Variants in UTP18 observed in about 807,000 individuals in gnomAD.
The protein encoded by UTP18 is U3 small nucleolar RNA-associated protein 18 homolog.
Under a neutral mutation model 61.1 loss-of-function variants are expected in UTP18, and 36 were observed. That is an observed-to-expected ratio of 0.59 (90% CI 0.45 to 0.78). UTP18 has a LOEUF of 0.78. Ranked by LOEUF, UTP18 falls within the 30% of genes least tolerant of loss-of-function variation. UTP18 has a pLI of 0.00. For synonymous variants in UTP18, 282 were observed against 251.1 expected, an observed-to-expected ratio of 1.12 and a Z score of -1.16; for missense variants, 753 against 693.9, an observed-to-expected ratio of 1.09 and a Z score of -0.96.
At chr17:51,264,424 A>G (rs919586063) in intron 2 of UTP18, among the ~76,000 whole-genome samples, 2 of 152,052 alleles carry the variant, frequency 1.3e-5, no homozygotes, top group African/African-American at 4.8e-5. Flanking sequence ...TTTATTTTCT[A>G]ATTTATTGCC....
chr17:51,295,111 A>T (rs1251777586), intron 12 of UTP18, among the ~76,000 whole-genome samples: 1 of 152,176 alleles, frequency 6.6e-6, no homozygotes, highest in African/African-American at 2.4e-5. Context: ...CCTTTGTCAG[A>T]TGAGTAGGTT....
chr17:51,277,034 G>A (rs1904746392), intron 6 of UTP18, 96 bp from the exon 7 acceptor site: 2 of 1,316,842 alleles, frequency 1.5e-6, no homozygotes, highest in Admixed American at 2.2e-5. Flanking sequence ...CCTTGGATAT[G>A]TATTTTTAAA....
At chr17:51,266,561 T>A (rs2055563448) in intron 3 of UTP18, among the ~76,000 whole-genome samples, 2 of 152,204 alleles carry the variant, frequency 1.3e-5, no homozygotes, top group African/African-American at 4.8e-5. Context: ...AATATGAACA[T>A]TTTCAAAAAT....
chr17:51,294,545 C>A (rs1041332775), intron 12 of UTP18, among the ~76,000 whole-genome samples: 9 of 152,020 alleles, frequency 5.9e-5, no homozygotes, highest in Non-Finnish European at 5.9e-5. Context: ...TTTTTTATGG[C>A]TGCATAGTAT....
chr17:51,275,883 T>A lies in UTP18; in HGVS notation c.729T>A (p.His243Gln). 6.2e-7 allele frequency: 1 copy of A among 1,605,608 alleles called. No individual in the cohort carries two copies. Among genetic ancestry groups the A allele is most frequent in the African/African-American group, 1.3e-5 (1 of 74,548 alleles). ...TCCTATAGATGAAGAACTGCCAGCATGCGAATGCTGAACGTCCTACTGTTG... is the reference window on the plus strand; with the variant it reads ...TCCTATAGATGAAGAACTGCCAGCAAGCGAATGCTGAACGTCCTACTGTTG... ...RGILKMKNCQ[H>Q]ANAERPTVAR... Residue 243 changes from histidine to glutamine, a missense_variant, in exon 6 of 14, where the codon CAT becomes CAA. By Grantham distance (24) the His-to-Gln change is conservative. Coordinates refer to ENST00000225298, the MANE Select transcript of UTP18 (RefSeq NM_016001.3).
rs116206373 is a variant in UTP18 at position 51,292,886 on chromosome 17, T to C, written c.1504-1017T>C. ...TCTCTCTAAATCAGAACAGTTTCAC[T>C]TGGAGTTAGATTTTCATGATTCAGC... On this transcript the variant is annotated intron_variant, in intron 11 of 13. Transcript: ENST00000225298. Among the ~76,000 whole-genome samples the C allele has an allele frequency of 2.6e-3, 403 of 152,334 alleles. 3 individuals carry two copies. Among genetic ancestry groups the C allele is most frequent in the African/African-American group, 9.4e-3 (389 of 41,570 alleles).
intron 10 of UTP18, among the ~76,000 whole-genome samples, chr17:51,286,985 C>G (rs1597852649): frequency 1.3e-5 from 2 of 148,572 alleles, no homozygotes; most frequent in South Asian, 2.2e-4. Flanking sequence ...CCTTCCCCCC[C>G]CGACCCACAG....
chr17:51,290,776 A>G (rs12948421), intron 11 of UTP18, among the ~76,000 whole-genome samples: 59,061 of 152,050 alleles, frequency 0.39, 13,047 homozygotes, highest in East Asian at 0.6. Context: ...GCCAAATCAC[A>G]GTTTTTAAAT....
intron 9 of UTP18, among the ~76,000 whole-genome samples, chr17:51,281,493 C>T (rs984808689): frequency 6.6e-6 from 1 of 152,086 alleles, no homozygotes; most frequent in Admixed American, 6.6e-5. Flanking sequence ...ACTTCCACTA[C>T]AGTTTCATTT....
At chr17:51,263,879 T>G (rs2055533067) in intron 2 of UTP18, among the ~76,000 whole-genome samples, 1 of 152,184 alleles carries the variant, frequency 6.6e-6, no homozygotes, top group African/African-American at 2.4e-5. Context: ...ATGCTTGATT[T>G]AACATTTTGA....
intron 9 of UTP18, among the ~76,000 whole-genome samples, chr17:51,283,468 CCTTTT>C (rs1286881750): frequency 3.9e-5 from 6 of 151,914 alleles, no homozygotes; most frequent in African/African-American, 1.2e-4. Context: ...GCGTGTGCAC[CCTTTT>C]CTTATTCTGT....
At chr17:51,269,839 T>G (rs62060089) in intron 4 of UTP18, among the ~76,000 whole-genome samples, 7,717 of 137,788 alleles carry the variant, frequency 0.056, 257 homozygotes, top group Non-Finnish European at 0.077. Context: ...AAATAATGTA[T>G]TGTGTGTGTG....
intron 4 of UTP18, 47 bp downstream of exon 4, chr17:51,268,951 C>T: frequency 6.4e-7 from 1 of 1,567,234 alleles, no homozygotes; most frequent in Non-Finnish European, 8.8e-7. Flanking sequence ...GTCCCTGTTC[C>T]TGTTCGTTAT....
rs1159611843 is a variant in UTP18, at chr17:51,289,353, C to T, written c.1503+1150C>T. ...CTGGGATTATAGGCATGCGCCACCA[C>T]GCCCAGCTCATTTTTGTATTTTTTT... On this transcript the variant is annotated intron_variant, in intron 11 of 13. Coordinates refer to ENST00000225298, the MANE Select transcript of UTP18 (RefSeq NM_016001.3). 6.7e-5 allele frequency among the ~76,000 whole-genome samples: 10 copies of T among 148,638 alleles called. 1 individual carries two copies. In the South Asian group the frequency reaches 1.3e-3, roughly 19 times the overall value.
intron 13 of UTP18, among the ~76,000 whole-genome samples, chr17:51,297,359 C>T (rs1176819789): frequency 4.6e-5 from 7 of 152,168 alleles, no homozygotes; most frequent in African/African-American, 1.7e-4. Flanking sequence ...CTTGAATCCT[C>T]TTATTATATA....
chr17:51,297,643 A>G (rs971152347), intron 13 of UTP18, 139 bp from the exon 14 acceptor site: 8 of 390,402 alleles, frequency 2.0e-5, no homozygotes, highest in Non-Finnish European at 2.9e-5. Context: ...TTAAAGGTAC[A>G]GGCATTTTGG....
chr17:51,285,875 A>G (rs1567705493), intron 10 of UTP18, among the ~76,000 whole-genome samples: 1 of 152,234 alleles, frequency 6.6e-6, no homozygotes. Context: ...AGGGATTACT[A>G]TAATTGCAGT....
At chr17:51,267,278 A>C (rs1312497378) in intron 3 of UTP18, among the ~76,000 whole-genome samples, 1 of 152,170 alleles carries the variant, frequency 6.6e-6, no homozygotes, top group Non-Finnish European at 1.5e-5. Flanking sequence ...CTATCTTTTA[A>C]GTGTTCAGAC....
chr17:51,292,200 A>AT (rs1039281769), intron 11 of UTP18, among the ~76,000 whole-genome samples: 6 of 152,212 alleles, frequency 3.9e-5, no homozygotes, highest in African/African-American at 1.4e-4. Flanking sequence ...TGCTTGAAAA[A>AT]ATATATATAC....
Sources: allele counts gnomAD v4.1 joint callset (sites outside exome capture counted in the v4.1 genomes callset), GRCh38; gene constraint gnomAD v4.1.1; transcripts MANE v1.5; gene names NCBI Gene and HGNC (gene_info 2026-07-23, HGNC 2026-07-21).